Variants in ALDH8A1 observed in about 807,000 individuals in gnomAD.
The protein encoded by ALDH8A1 is 2-aminomuconic semialdehyde dehydrogenase.
ALDH8A1 carries 39 observed loss-of-function variants against 43.3 expected under a neutral mutation model. The ratio of observed to expected loss-of-function variants is 0.90; its 90% CI spans 0.70 to 1.18. The LOEUF (loss-of-function observed/expected upper bound fraction) is 1.18. Among genes scored for constraint, ALDH8A1 ranks in the 50% most tolerant of loss-of-function variants. The pLI, the probability that ALDH8A1 is intolerant of heterozygous loss-of-function variation, is 0.00. For synonymous variants in ALDH8A1, 233 were observed against 243.5 expected (o/e 0.96, Z 0.40); for missense variants, 605 against 622.6 (o/e 0.97, Z 0.30).
chr6:134,933,961 G>A (rs1433014538), intron 4 of ALDH8A1, among the ~76,000 whole-genome samples: 1 of 152,038 alleles, frequency 6.6e-6, no homozygotes, highest in African/African-American at 2.4e-5. Flanking sequence ...TGCCCACCTC[G>A]GCCTGCCAAA....
intron 3 of ALDH8A1, among the ~76,000 whole-genome samples, chr6:134,941,745 A>G (rs976512078): frequency 6.6e-6 from 1 of 151,700 alleles, no homozygotes; most frequent in East Asian, 2.0e-4. Flanking sequence ...GGCTGATCGA[A>G]TTCCTGACCT....
chr6:134,937,966 G>A lies in ALDH8A1; in HGVS notation c.592+1300C>T, dbSNP rs1001025154. On this transcript the variant is annotated intron_variant, in intron 4 of 6. Transcript: ENST00000265605. Reference sequence around the variant, plus strand: ...CCCTGGGATCGTAAGGCCCAGTGCCGTTCCCTAAACAGCCTCAGTTTTGAG... The same window carrying A: ...CCCTGGGATCGTAAGGCCCAGTGCCATTCCCTAAACAGCCTCAGTTTTGAG... 4.6e-5 allele frequency among the ~76,000 whole-genome samples: 7 copies of A among 152,164 alleles called. No homozygotes were observed. The South Asian group carries it at 6.2e-4, about 14-fold the overall frequency.
intron 1 of ALDH8A1, among the ~76,000 whole-genome samples, chr6:134,946,957 G>A (rs1460840388): frequency 6.6e-6 from 1 of 152,134 alleles, no homozygotes; most frequent in African/African-American, 2.4e-5. Flanking sequence ...CTTACTGATT[G>A]CACACTACCA....
intron 4 of ALDH8A1, among the ~76,000 whole-genome samples, chr6:134,937,758 A>G (rs1773771003): frequency 6.6e-6 from 1 of 152,324 alleles, no homozygotes; most frequent in African/African-American, 2.4e-5. Context: ...CTTTGCAGAC[A>G]CCACAGACCT....
intron 6 of ALDH8A1, among the ~76,000 whole-genome samples, chr6:134,923,758 A>G (rs1417867397): frequency 6.6e-6 from 1 of 152,164 alleles, no homozygotes; most frequent in Non-Finnish European, 1.5e-5. Flanking sequence ...TGCAGCTGTG[A>G]TGGTAGAAAT....
At chr6:134,948,314 T>A (rs541374525) in intron 1 of ALDH8A1, among the ~76,000 whole-genome samples, 4 of 152,246 alleles carry the variant, frequency 2.6e-5, no homozygotes, top group African/African-American at 9.6e-5. Context: ...GAATAAGTTC[T>A]AGTAGAGTGA....
intron 1 of ALDH8A1, among the ~76,000 whole-genome samples, chr6:134,945,939 C>T (rs945119483): frequency 6.6e-6 from 1 of 152,140 alleles, no homozygotes; most frequent in Non-Finnish European, 1.5e-5. Flanking sequence ...AGTGAATTCT[C>T]GTGAGATCTA....
Position 134,918,545 on chromosome 6 carries a change from G to T in ALDH8A1, c.1334C>A (p.Thr445Asn). Reference protein sequence around the residue: ...AKKLQSGLVWTNCWLIRELNL... With the variant: ...AKKLQSGLVWNNCWLIRELNL... ...CAGCTCCCTGATGAGCCAGCAGTTGGTCCAGACCAAGCCAGACTGCAGCTT... is the reference window on the plus strand; with the variant it reads ...CAGCTCCCTGATGAGCCAGCAGTTGTTCCAGACCAAGCCAGACTGCAGCTT... Residue 445 changes from threonine to asparagine, a missense_variant, in exon 7 of 7, where the codon ACC becomes AAC. Thr to Asn is a moderately conservative substitution (Grantham distance 65). Transcript: ENST00000265605. The T allele has an allele frequency of 6.2e-7, 1 of 1,614,190 alleles. No homozygotes were observed. Among genetic ancestry groups the T allele is most frequent in the Non-Finnish European group, 8.5e-7 (1 of 1,180,036 alleles).
chr6:134,949,571 C>T (rs951222648), intron 1 of ALDH8A1, among the ~76,000 whole-genome samples: 6 of 151,342 alleles, frequency 4.0e-5, no homozygotes, highest in South Asian at 2.1e-4. Flanking sequence ...TTAAGCAGTG[C>T]GTGGTGGAGA....
intron 6 of ALDH8A1, among the ~76,000 whole-genome samples, chr6:134,926,817 A>G (rs1163875040): frequency 6.6e-6 from 1 of 152,094 alleles, no homozygotes; most frequent in Admixed American, 6.5e-5. Context: ...TCAAAAAAAA[A>G]AAAAAGGGCA....
At position 134,929,089 on chromosome 6, in the gene ALDH8A1, T is replaced by G; in HGVS notation, c.976A>C (p.Ile326Leu). 1 of 1,614,242 alleles carries G rather than the reference T, an allele frequency of 6.2e-7. No individual in the cohort carries two copies. The highest frequency in any genetic ancestry group is 8.5e-7 in the Non-Finnish European group (1 of 1,180,032). The part of the protein sequence containing the change: ...VGIPSDPLVS[I>L]GALISKAHLE... Reference sequence around the variant, plus strand: ...TGTGCTTTACTTATCAGAGCACCTATGCTCACCAGTGGATCAGAGGGAATG... The same window carrying G: ...TGTGCTTTACTTATCAGAGCACCTAGGCTCACCAGTGGATCAGAGGGAATG... Residue 326 changes from isoleucine to leucine, a missense_variant, in exon 6 of 7, where the codon ATA becomes CTA. Coordinates refer to ENST00000265605, the MANE Select transcript of ALDH8A1 (RefSeq NM_022568.4).
At chr6:134,941,679 C>T (rs1460056239) in intron 3 of ALDH8A1, among the ~76,000 whole-genome samples, 2 of 151,844 alleles carry the variant, frequency 1.3e-5, no homozygotes, top group South Asian at 2.1e-4. Flanking sequence ...CATGAGCCAC[C>T]GCGCCCGGTG....
chr6:134,918,968 A>T, intron 6 of ALDH8A1, 101 bp from the exon 7 acceptor site: 1 of 1,305,840 alleles, frequency 7.7e-7, no homozygotes, highest in South Asian at 1.4e-5. Flanking sequence ...AGGAGGGATA[A>T]GGTCATTCCT....
At chr6:134,926,162 T>G (rs1776879197) in intron 6 of ALDH8A1, among the ~76,000 whole-genome samples, 1 of 151,906 alleles carries the variant, frequency 6.6e-6, no homozygotes, top group Non-Finnish European at 1.5e-5. Flanking sequence ...AAAAGGTAAT[T>G]TAGCTACATT....
rs1209826029 is a variant in ALDH8A1, at chr6:134,939,318, A to T, written c.540T>A (p.Ser180Arg). 1 of 1,613,476 alleles carries T rather than the reference A, an allele frequency of 6.2e-7. No individual in the cohort carries two copies. Among genetic ancestry groups the T allele is most frequent in the Non-Finnish European group, 8.5e-7 (1 of 1,179,456 alleles). ...TCCACGCAGTCACTGAAGTCAGCTCACTGGGCTTGGCTATCACAGTGTTCC... is the reference window on the plus strand; with the variant it reads ...TCCACGCAGTCACTGAAGTCAGCTCTCTGGGCTTGGCTATCACAGTGTTCC... ...AAGNTVIAKP[S>R]ELTSVTAWML... Residue 180 changes from serine (S) to arginine (R), a missense_variant, in exon 4 of 7, where the codon AGT becomes AGA. Transcript: ENST00000265605.
chr6:134,942,677 C>A, intron 2 of ALDH8A1, 113 bp from the exon 3 acceptor site: 2 of 1,101,000 alleles, frequency 1.8e-6, no homozygotes, highest in South Asian at 3.4e-5. Context: ...TTCCTTCTAG[C>A]CCGGGGCAGG....
chr6:134,936,621 G>A (rs1258632507), intron 4 of ALDH8A1, among the ~76,000 whole-genome samples: 1 of 152,188 alleles, frequency 6.6e-6, no homozygotes, highest in Non-Finnish European at 1.5e-5. Flanking sequence ...TTTAACTGAG[G>A]GTGAGAGAGA....
At position 134,918,425 on chromosome 6, in the gene ALDH8A1, A is replaced by C; in HGVS notation, c.1454T>G (p.Val485Gly). ...CACCATTAGCAAAGATCAGTGTTTA[A>C]CGGTGATGGTTTTGATCTCAGTGAA... ...DFFTEIKTITVKH is the reference protein window; with the variant it reads ...DFFTEIKTITGKH The change falls in exon 7 of 7, where the codon GTT becomes GGT. Residue 485 changes from valine to glycine, a missense_variant. Physicochemically the swap from Val to Gly is moderately radical, Grantham distance 109 (BLOSUM62 -3). Coordinates refer to ENST00000265605, the MANE Select transcript of ALDH8A1 (RefSeq NM_022568.4). 1 of 1,614,120 alleles carries C rather than the reference A, an allele frequency of 6.2e-7. No homozygotes were observed. The highest frequency in any genetic ancestry group is 8.5e-7 in the Non-Finnish European group (1 of 1,179,978).
chr6:134,924,123 A>G (rs538639060), intron 6 of ALDH8A1, among the ~76,000 whole-genome samples: 12 of 152,130 alleles, frequency 7.9e-5, no homozygotes, highest in Non-Finnish European at 1.3e-4. Flanking sequence ...GACAAAATCC[A>G]AATAGGGAGC....
Sources: gnomAD v4.1 joint callset for allele counts (sites outside exome capture counted in the v4.1 genomes callset) on GRCh38, gnomAD v4.1.1 for gene constraint, MANE v1.5 for transcripts, NCBI Gene and HGNC (gene_info 2026-07-23, HGNC 2026-07-21) for gene names.